Variants in KIF19 observed in about 807,000 individuals in gnomAD.
KIF19 encodes kinesin-like protein KIF19.
A neutral mutation model predicts 106.6 loss-of-function variants in KIF19; 98 were observed. The ratio of observed to expected loss-of-function variants is 0.92; its 90% confidence interval spans 0.78 to 1.09. KIF19 has a LOEUF of 1.09. Ranked by LOEUF, KIF19 falls within the 50% of genes least tolerant of loss-of-function variation. The pLI, the probability that KIF19 is intolerant of heterozygous loss-of-function variation, is 0.00. For synonymous variants in KIF19, 516 were observed against 584.2 expected (o/e 0.88, Z 1.68); for missense variants, 1,373 against 1,414.3 (o/e 0.97, Z 0.47).
intron 1 of KIF19, among the ~76,000 whole-genome samples, chr17:74,327,997 T>C (rs1331915259): frequency 6.6e-6 from 1 of 152,276 alleles, no homozygotes; most frequent in South Asian, 2.1e-4. Flanking sequence ...GCTGTTGGGA[T>C]GATGGGGGAC....
chr17:74,344,180 C>T (rs774047406), intron 5 of KIF19, 43 bp from the exon 6 acceptor site: 1 of 1,584,106 alleles, frequency 6.3e-7, no homozygotes, highest in Non-Finnish European at 8.6e-7. Context: ...ACCTCCTGCC[C>T]TTAGTCTCCC....
chr17:74,344,361 T>C lies in KIF19; in HGVS notation c.582+13T>C. ...CAATGCCAAGGAGGCGAGTTTTGTG[T>C]GGCCAGCCTGGAGCCGCTGAGAGGA... On this transcript the variant is annotated intron_variant, in intron 6 of 19. Transcript: ENST00000389916. The C allele has an allele frequency of 1.9e-6, 3 of 1,610,246 alleles. No homozygotes were observed. The South Asian group carries it at 3.3e-5, about 18-fold the overall frequency.
intron 15 of KIF19, 60 bp from the exon 16 acceptor site, chr17:74,353,136 G>A (rs1377033102): frequency 2.0e-6 from 3 of 1,466,888 alleles, no homozygotes; most frequent in African/African-American, 2.8e-5. Flanking sequence ...CTGGGGTGGG[G>A]GTGGGACCTC....
chr17:74,341,277 C>T (rs866884604), intron 2 of KIF19, among the ~76,000 whole-genome samples: 7 of 152,286 alleles, frequency 4.6e-5, no homozygotes, highest in Middle Eastern at 3.4e-3. Context: ...GAGATCACAC[C>T]ACTGCACTCC....
rs201661834 is a variant in KIF19, at chr17:74,343,098, T to A, written c.394T>A (p.Phe132Ile). 33 of 1,613,164 alleles carry A rather than the reference T, an allele frequency of 2.0e-5. No homozygotes were observed. Among genetic ancestry groups the A allele is most frequent in the Non-Finnish European group, 2.5e-6 (3 of 1,179,718 alleles). Residue 132 changes from phenylalanine to isoleucine, a missense_variant, in exon 5 of 20, where the codon TTC becomes ATC. Physicochemically the swap from Phe to Ile is conservative, Grantham distance 21 (BLOSUM62 0). Coordinates refer to ENST00000389916, the MANE Select transcript of KIF19 (RefSeq NM_153209.4). ...GIYVQTLNDLFRAIEETSNDM... is the reference protein window; with the variant it reads ...GIYVQTLNDLIRAIEETSNDM... Reference sequence around the variant, plus strand: ...CTATGTTCAGACCCTCAACGACCTCTTCCGTGCCATCGAGGAGACCAGCAA... The same window carrying A: ...CTATGTTCAGACCCTCAACGACCTCATCCGTGCCATCGAGGAGACCAGCAA...
intron 17 of KIF19, 125 bp downstream of exon 17, chr17:74,353,706 A>G: frequency 1.3e-6 from 1 of 769,660 alleles, no homozygotes. Flanking sequence ...GGTGCTACAC[A>G]TTCTGTAGAG....
chr17:74,343,342 AG>A (rs1299270821), intron 5 of KIF19, among the ~76,000 whole-genome samples, 182 bp downstream of exon 5: 1 of 152,172 alleles, frequency 6.6e-6, no homozygotes, highest in Non-Finnish European at 1.5e-5. Flanking sequence ...ACAGTAAGCG[AG>A]GGAGCGGGGA....
rs1449886567 is a variant in KIF19 at position 74,349,204 on chromosome 17, C to T, written c.1068C>T (p.Asn356=). The T allele has an allele frequency of 7.4e-6, 12 of 1,613,714 alleles. No individual in the cohort carries two copies. The highest frequency in any genetic ancestry group is 1.7e-5 in the Admixed American group (1 of 59,998). The change falls in exon 10 of 20, where the codon AAC becomes AAT. Residue 356 remains asparagine (N), a synonymous_variant. Transcript: ENST00000389916. ...IKTRVKQNLL[N]VSYHIAQYTS... is the part of the protein sequence containing the mutation. ...TGCAGGTGAAGCAGAACCTCCTGAA[C>T]GTCTCCTACCACATCGCCCAGTACA... is the stretch of plus-strand genomic sequence containing the variant.
Position 74,350,581 on chromosome 17 carries a change from C to G in KIF19, c.1388+6C>G, listed in dbSNP as rs761565795. On this transcript the variant is annotated splice_donor_region_variant and intron_variant, in intron 11 of 19. Transcript: ENST00000389916. ...CACCTGCTCACCATCGCCGGGTAAG[C>G]CCCCCTCCCAGGACCCTCCAGGCCC... The G allele has an allele frequency of 6.2e-7, 1 of 1,612,312 alleles. No homozygotes were observed. Among genetic ancestry groups the G allele is most frequent in the African/African-American group, 1.3e-5 (1 of 74,914 alleles).
rs567935532 is a variant in KIF19, at chr17:74,352,490, A to G, written c.1980+150A>G. The stretch of plus-strand genomic sequence containing the variant: ...ACTCCCTTTCCTTCTTACCCCACCC[A>G]AAGCCTTGTCAAGCCTGAGTAAGAC... On this transcript the variant is annotated intron_variant, in intron 14 of 19. Transcript: ENST00000389916. 3 of 1,093,378 alleles carry G rather than the reference A, an allele frequency of 2.7e-6. No homozygotes were observed. The South Asian group carries it at 5.0e-5, about 18-fold the overall frequency. The allele number at this position is 1,093,378 out of a possible 1,614,324, so 67.7% of individuals were successfully genotyped here.
At chr17:74,348,736 G>C (rs1428252422) in intron 9 of KIF19, 1 of 179,666 alleles carries the variant, frequency 5.6e-6, no homozygotes, top group Non-Finnish European at 1.2e-5. Flanking sequence ...GGCCTGGTGG[G>C]GTCCAGTGGA....
Position 74,350,923 on chromosome 17 carries a change from G to A in KIF19, c.1587+18G>A, listed in dbSNP as rs1403765742. The A allele has an allele frequency of 1.2e-6, 2 of 1,612,606 alleles. No individual in the cohort carries two copies. The highest frequency in any genetic ancestry group is 4.5e-5 in the East Asian group (2 of 44,876). On this transcript the variant is annotated intron_variant, in intron 12 of 19. Transcript: ENST00000389916. ...AGCAGAAGGTGTCCAGGGTTTGGGG[G>A]GACAAGGAGAGTGGGTTTAGGGGAC... is the stretch of plus-strand genomic sequence containing the variant.
In KIF19 at chr17:74,343,307, G is replaced by T. The variant is rs570724034; in HGVS notation, c.456+147G>T. 1.0e-4 allele frequency: 86 copies of T among 839,624 alleles called. 1 individual carries two copies. The South Asian group carries it at 1.4e-3, about 14-fold the overall frequency. The allele number at this position is 839,624 out of a possible 1,614,324, so 52.0% of individuals were successfully genotyped here. On this transcript the variant is annotated intron_variant, in intron 5 of 19. Coordinates refer to ENST00000389916, the MANE Select transcript of KIF19 (RefSeq NM_153209.4). ...ACAAACATCGCAGGCTCATCAGAGA[G>T]GTTAGGCAACTAGGCCAATGTCACA... is the stretch of plus-strand genomic sequence containing the variant.
intron 2 of KIF19, 138 bp from the exon 3 acceptor site, chr17:74,341,738 G>A (rs1395168669): frequency 1.7e-5 from 11 of 662,980 alleles, no homozygotes; most frequent in African/African-American, 3.6e-5. Context: ...AGGCGACGAG[G>A]GCTAGATTCA....
rs1296881025 is a variant in KIF19 at position 74,346,038 on chromosome 17, C to T, written c.778-340C>T. ...GCTCCCTGGAGCACCCTCTGGAGCA[C>T]CAGTGGTCCTGCCGGCTCCCAGCTG... On this transcript the variant is annotated intron_variant, in intron 7 of 19. Coordinates refer to ENST00000389916, the MANE Select transcript of KIF19 (RefSeq NM_153209.4). The surrounding 1 kb of genome is among the most constrained non-coding windows in gnomAD (Gnocchi z 4.6). Among the ~76,000 whole-genome samples, 3 of 152,258 alleles carry T rather than the reference C, an allele frequency of 2.0e-5. No individual in the cohort carries two copies. Among genetic ancestry groups the T allele is most frequent in the Non-Finnish European group, 2.9e-5 (2 of 68,042 alleles).
At chr17:74,335,049 C>T (rs1269205788) in intron 2 of KIF19, among the ~76,000 whole-genome samples, 2 of 152,240 alleles carry the variant, frequency 1.3e-5, no homozygotes, top group Non-Finnish European at 2.9e-5. Context: ...CAAACTGAGC[C>T]TCACTTGTGG....
chr17:74,352,988 C>T (rs1179229695), intron 15 of KIF19, 34 bp downstream of exon 15: 2 of 1,611,888 alleles, frequency 1.2e-6, no homozygotes. Flanking sequence ...AGCCCCCACC[C>T]TGTGCCCTGT....
Position 74,344,909 on chromosome 17 carries a change from G to T in KIF19, c.731G>T (p.Gly244Val), listed in dbSNP as rs1243121289. The T allele has an allele frequency of 2.5e-6, 4 of 1,611,370 alleles. No homozygotes were observed. The highest frequency in any genetic ancestry group is 3.4e-6 in the Non-Finnish European group (4 of 1,179,666). Residue 244 changes from glycine (G) to valine (V), a missense_variant, in exon 7 of 20, where the codon GGC (glycine) becomes GTC (valine). Coordinates refer to ENST00000389916, the MANE Select transcript of KIF19 (RefSeq NM_153209.4). ...VKNILQEVRQ[G>V]RLFMIDLAGS... ...AACATCTTGCAGGAGGTGCGGCAGG[G>T]CCGCCTGTTCATGATCGACCTGGCT...
At position 74,343,171 on chromosome 17, in the gene KIF19, C is replaced by A; in HGVS notation, c.456+11C>A. Reference sequence around the variant, plus strand: ...ATGTCCTACCTGGAGGTGAGTCCCCCAGCCTAGGCTCAGATGGGGCTGGCC... The same window carrying A: ...ATGTCCTACCTGGAGGTGAGTCCCCAAGCCTAGGCTCAGATGGGGCTGGCC... On this transcript the variant is annotated intron_variant, in intron 5 of 19. Transcript: ENST00000389916. 3.1e-6 allele frequency: 5 copies of A among 1,611,140 alleles called. No homozygotes were observed. Among genetic ancestry groups the A allele is most frequent in the Non-Finnish European group, 4.2e-6 (5 of 1,179,362 alleles).
Sources: allele counts gnomAD v4.1 joint callset (sites outside exome capture counted in the v4.1 genomes callset), GRCh38; gene constraint gnomAD v4.1.1; non-coding constraint Gnocchi (gnomAD v3.1); transcripts MANE v1.5; gene names NCBI Gene and HGNC (gene_info 2026-07-23, HGNC 2026-07-21).